HSD17B3: variants seen among roughly 807,000 people sequenced by gnomAD.
HSD17B3 encodes the protein 17-beta-hydroxysteroid dehydrogenase type 3.
HSD17B3 carries 29 observed loss-of-function variants against 41.1 expected under a neutral mutation model. The observed-to-expected ratio is 0.71, with a 90% CI of 0.53 to 0.96. HSD17B3 has a LOEUF of 0.96. HSD17B3 is among the 40% of genes least tolerant of loss of function. The pLI is 0.00. For synonymous variants in HSD17B3, 126 were observed against 145.6 expected (o/e 0.87, Z 0.97); for missense variants, 323 against 374.6 (o/e 0.86, Z 1.14).
chr9:96,271,301 G>C (rs966498020), intron 2 of HSD17B3, among the ~76,000 whole-genome samples: 19 of 152,008 alleles, frequency 1.2e-4, no homozygotes, highest in African/African-American at 4.6e-4. Context: ...TTTAGAACAG[G>C]GTTTATGGTT....
chr9:96,277,310 T>A (rs1323542371), intron 2 of HSD17B3, among the ~76,000 whole-genome samples: 1 of 152,106 alleles, frequency 6.6e-6, no homozygotes, highest in Non-Finnish European at 1.5e-5. Flanking sequence ...ATTTGCCAAC[T>A]ACATGTCTGA....
chr9:96,284,554 G>A (rs1433527167), intron 2 of HSD17B3, among the ~76,000 whole-genome samples: 1 of 152,212 alleles, frequency 6.6e-6, no homozygotes, highest in African/African-American at 2.4e-5. Flanking sequence ...CTGGAATGGT[G>A]TGCTTTCCTT....
At chr9:96,285,487 C>T (rs1826882651) in intron 2 of HSD17B3, among the ~76,000 whole-genome samples, 1 of 152,180 alleles carries the variant, frequency 6.6e-6, no homozygotes, top group Admixed American at 6.5e-5. Context: ...AATCAGCTAG[C>T]AACCCCGTAT....
chr9:96,250,175 G>A (rs1836838643), intron 5 of HSD17B3: 1 of 1,178,246 alleles, frequency 8.5e-7, no homozygotes, highest in Admixed American at 4.0e-5. Context: ...ATAAGGTAGA[G>A]GTTCTGGGCT....
At chr9:96,263,810 G>T (rs922063654) in intron 2 of HSD17B3, among the ~76,000 whole-genome samples, 2 of 152,088 alleles carry the variant, frequency 1.3e-5, no homozygotes, top group Non-Finnish European at 2.9e-5. Context: ...TTATTGCAAA[G>T]ATATTGCTCA....
At chr9:96,253,062 T>C (rs758395812) in intron 3 of HSD17B3, 152 bp from the exon 4 acceptor site, 5 of 683,656 alleles carry the variant, frequency 7.3e-6, no homozygotes, top group South Asian at 3.2e-5. Context: ...TCTGGGTAAA[T>C]GTTGGGAGGT....
chr9:96,291,794 T>C (rs1235279058), intron 2 of HSD17B3, among the ~76,000 whole-genome samples: 1 of 151,984 alleles, frequency 6.6e-6, no homozygotes, highest in Non-Finnish European at 1.5e-5. Context: ...CCGTCTCTAT[T>C]AAAAATACAA....
intron 2 of HSD17B3, among the ~76,000 whole-genome samples, chr9:96,297,168 A>G (rs1311731103): frequency 6.6e-6 from 1 of 152,044 alleles, no homozygotes; most frequent in African/African-American, 2.4e-5. Flanking sequence ...CTTTCTCTTC[A>G]AGAATGTGGT....
At position 96,251,464 on chromosome 9, in the gene HSD17B3, G is replaced by T; in HGVS notation, c.407C>A (p.Pro136Gln). The T allele has an allele frequency of 6.2e-7, 1 of 1,614,136 alleles. No homozygotes were observed. The highest frequency in any genetic ancestry group is 8.5e-7 in the Non-Finnish European group (1 of 1,179,982). Residue 136 changes from proline (P) to glutamine (Q), a missense_variant, in exon 5 of 11, where the codon CCA (proline) becomes CAA (glutamine). By Grantham distance (76) the Pro-to-Gln change is moderately conservative. Coordinates refer to ENST00000375263, the MANE Select transcript of HSD17B3 (RefSeq NM_000197.2). ...CAGGAAATGGCTTGGGAGAAGGTTT[G>T]GAAGCATTCCGACATTGTTGACTGG... Reference protein sequence around the residue: ...GILVNNVGMLPNLLPSHFLNA... With the variant: ...GILVNNVGMLQNLLPSHFLNA...
rs372812622 is a variant in HSD17B3, at chr9:96,259,921, A to G, written c.202-4978T>C. Reference sequence around the variant, plus strand: ...CACCATAGACAATAGTATTCTCTACAAAGAGTACAGTCTTGTCCCTTTCTT... The same window carrying G: ...CACCATAGACAATAGTATTCTCTACGAAGAGTACAGTCTTGTCCCTTTCTT... On this transcript the variant is annotated intron_variant, in intron 2 of 10. Transcript: ENST00000375263. Among the ~76,000 whole-genome samples the G allele has an allele frequency of 1.2e-4, 19 of 152,306 alleles. 1 individual carries two copies. In the South Asian group the frequency reaches 3.9e-3, roughly 32 times the overall value.
Position 96,288,426 on chromosome 9 carries a change from G to T in HSD17B3, c.201+9990C>A, listed in dbSNP as rs893456157. ...AGCTGAAGGTGTTAACACCACAAAG[G>T]TATTGTCACAAGTTCCCCCCAACCT... On this transcript the variant is annotated intron_variant, in intron 2 of 10. Transcript: ENST00000375263. Among the ~76,000 whole-genome samples the T allele has an allele frequency of 5.3e-5, 8 of 152,232 alleles. No individual in the cohort carries two copies. The South Asian group carries it at 1.5e-3, about 28-fold the overall frequency.
In HSD17B3 at chr9:96,244,324, C is replaced by T; in HGVS notation, c.672+5G>A. The T allele has an allele frequency of 6.2e-7, 1 of 1,614,104 alleles. No homozygotes were observed. Among genetic ancestry groups the T allele is most frequent in the Non-Finnish European group, 8.5e-7 (1 of 1,179,930 alleles). ...TGACAAGGACTCCACAGCTGCCCAC[C>T]TCACCTGGATGATGACTTCTTTTGC... On this transcript the variant is annotated splice_donor_5th_base_variant and intron_variant, in intron 9 of 10. Transcript: ENST00000375263.
chr9:96,268,019 G>A (rs1029649273), intron 2 of HSD17B3, among the ~76,000 whole-genome samples: 1 of 152,088 alleles, frequency 6.6e-6, no homozygotes, highest in Admixed American at 6.6e-5. Context: ...CTGTCTCCTG[G>A]GTTCAAGCGA....
intron 2 of HSD17B3, among the ~76,000 whole-genome samples, chr9:96,263,272 G>T (rs900742906): frequency 6.6e-6 from 1 of 152,100 alleles, no homozygotes; most frequent in Admixed American, 6.6e-5. Flanking sequence ...TGGTCACCTC[G>T]CAAGCCTCAC....
At chr9:96,283,319 A>G (rs769824972) in intron 2 of HSD17B3, among the ~76,000 whole-genome samples, 10 of 152,252 alleles carry the variant, frequency 6.6e-5, no homozygotes, top group Non-Finnish European at 1.5e-4. Context: ...CTCTTAAAGC[A>G]AAAACCTGCT....
chr9:96,251,397 C>T (rs1421459773), intron 5 of HSD17B3, 21 bp downstream of exon 5: 1 of 1,608,874 alleles, frequency 6.2e-7, no homozygotes, highest in South Asian at 1.1e-5. Context: ...GGAATCTATA[C>T]ACAGAAGAGC....
At chr9:96,244,454 T>C (rs568090209) in intron 8 of HSD17B3, 60 bp from the exon 9 acceptor site, 2 of 1,504,678 alleles carry the variant, frequency 1.3e-6, no homozygotes, top group East Asian at 2.3e-5. Context: ...CAGAGCCAAC[T>C]TCCTCTGACT....
chr9:96,271,034 T>C (rs1826226739), intron 2 of HSD17B3, among the ~76,000 whole-genome samples: 1 of 152,166 alleles, frequency 6.6e-6, no homozygotes, highest in South Asian at 2.1e-4. Flanking sequence ...ACATACCTAT[T>C]GAGCCAGCAG....
rs9777382 is a variant in HSD17B3, at chr9:96,275,823, A to T, written c.202-20880T>A. On this transcript the variant is annotated intron_variant, in intron 2 of 10. Coordinates refer to ENST00000375263, the MANE Select transcript of HSD17B3 (RefSeq NM_000197.2). ...TCATGAAATAAAGGAAAACAGCAAA[A>T]GAGGAAGAGGGACAAAACAACCACA... 4.6e-5 allele frequency among the ~76,000 whole-genome samples: 7 copies of T among 152,280 alleles called. No individual in the cohort carries two copies. In the South Asian group the frequency reaches 1.4e-3, roughly 32 times the overall value.
Sources: gnomAD v4.1 joint callset for allele counts (sites outside exome capture counted in the v4.1 genomes callset) on GRCh38, gnomAD v4.1.1 for gene constraint, MANE v1.5 for transcripts, NCBI Gene and HGNC (gene_info 2026-07-23, HGNC 2026-07-21) for gene names.